Variants in DPY19L1 observed in about 807,000 individuals in gnomAD.
DPY19L1 encodes the protein protein C-mannosyl-transferase DPY19L1.
A neutral mutation model predicts 96.9 loss-of-function variants in DPY19L1; 35 were observed. That is an observed-to-expected ratio of 0.36 (90% CI 0.28 to 0.48). The LOEUF is 0.48. Ranked by LOEUF, DPY19L1 falls within the 20% of genes least tolerant of loss-of-function variation. The pLI is 0.99. For missense variants in DPY19L1, 521 were observed against 777.9 expected (o/e 0.67, Z 3.93); for synonymous variants, 205 against 252.6 (o/e 0.81, Z 1.79).
At chr7:35,019,559 AGAG>A (rs917220075) in intron 1 of DPY19L1, among the ~76,000 whole-genome samples, 25 of 152,146 alleles carry the variant, frequency 1.6e-4, no homozygotes, top group Middle Eastern at 3.4e-3. Flanking sequence ...AGAAGGAAGA[AGAG>A]GAGGAGAAGG....
intron 15 of DPY19L1, among the ~76,000 whole-genome samples, chr7:34,946,146 A>C (rs1784140275): frequency 6.6e-6 from 1 of 152,208 alleles, no homozygotes. Context: ...TCACAGCTGG[A>C]AGCATTCAAA....
intron 6 of DPY19L1, among the ~76,000 whole-genome samples, chr7:35,002,239 G>A (rs767523623): frequency 1.3e-5 from 2 of 150,742 alleles, no homozygotes; most frequent in African/African-American, 4.9e-5. Context: ...TACCCTTAGA[G>A]AGAATATTTA....
intron 1 of DPY19L1, among the ~76,000 whole-genome samples, chr7:35,031,323 A>C (rs10254796): frequency 0.27 from 41,379 of 152,062 alleles, 5,759 homozygotes; most frequent in Non-Finnish European, 0.31. Flanking sequence ...TAGGTATTCT[A>C]AGTAATCTAG....
upstream of DPY19L1, chr7:35,037,722 C>G: frequency 1.3e-6 from 1 of 782,082 alleles, no homozygotes; most frequent in Non-Finnish European, 1.6e-6. Context: ...CCCGCCGCCC[C>G]TCTGCGCCGG....
chr7:35,023,751 C>G (rs1481120763), intron 1 of DPY19L1, among the ~76,000 whole-genome samples: 1 of 151,852 alleles, frequency 6.6e-6, no homozygotes, highest in Non-Finnish European at 1.5e-5. Flanking sequence ...ACAGAGCTGC[C>G]TCCTTCTCTA....
Position 35,027,668 on chromosome 7 carries a change from T to TAAAAAAA in DPY19L1, c.299-9079_299-9073dup, listed in dbSNP as rs57262214. Among the ~76,000 whole-genome samples, 68 of 71,378 alleles carry TAAAAAAA rather than the reference T, an allele frequency of 9.5e-4. 3 individuals carry two copies. The highest frequency in any genetic ancestry group is 7.2e-3 in the Middle Eastern group (1 of 138). 46.8% of individuals were successfully genotyped at this position (71,378 alleles called of 152,430 possible). A position where few individuals can be genotyped will look rare whatever the true frequency, so the allele number is the denominator to read the frequency against. ...CAACATGGCAAAACCCCGTCTCTAC[T>TAAAAAAA]AAAAAAAAAAAAAAAAAAAATTAGT... On this transcript the variant is annotated intron_variant, in intron 1 of 21. Transcript: ENST00000638088.
intron 5 of DPY19L1, among the ~76,000 whole-genome samples, chr7:35,011,044 C>G (rs1662654069): frequency 6.6e-6 from 1 of 152,194 alleles, no homozygotes; most frequent in Admixed American, 6.5e-5. Context: ...CAGCTGAGCT[C>G]AGCCTCACAG....
chr7:34,987,145 ATGT>A (rs1262859297), intron 7 of DPY19L1, among the ~76,000 whole-genome samples: 1 of 152,068 alleles, frequency 6.6e-6, no homozygotes, highest in Non-Finnish European at 1.5e-5. Flanking sequence ...CCATCAACAC[ATGT>A]TGTGTGCATC....
At chr7:35,003,466 CT>C (rs1785479394) in intron 6 of DPY19L1, among the ~76,000 whole-genome samples, 1 of 152,232 alleles carries the variant, frequency 6.6e-6, no homozygotes, top group Non-Finnish European at 1.5e-5. Context: ...GCTCCACATA[CT>C]TTACTGCTGG....
chr7:35,032,358 T>TC (rs1246730405), intron 1 of DPY19L1, among the ~76,000 whole-genome samples: 3 of 151,878 alleles, frequency 2.0e-5, no homozygotes, highest in Non-Finnish European at 4.4e-5. Context: ...TGCCTCAGAT[T>TC]CCCCCCACGT....
intron 1 of DPY19L1, 99 bp from the exon 2 acceptor site, chr7:35,018,695 T>A (rs1303762665): frequency 9.2e-7 from 1 of 1,088,222 alleles, no homozygotes; most frequent in South Asian, 1.4e-5. Flanking sequence ...TATTGAAATG[T>A]GTAAAAAAGA....
chr7:35,034,549 A>G (rs1786340224), intron 1 of DPY19L1, among the ~76,000 whole-genome samples: 1 of 152,228 alleles, frequency 6.6e-6, no homozygotes. Context: ...ATGCCCCACA[A>G]TAAGAAAAAC....
chr7:35,010,127 G>T (rs1053583427), intron 6 of DPY19L1, among the ~76,000 whole-genome samples: 5 of 151,196 alleles, frequency 3.3e-5, no homozygotes, highest in African/African-American at 9.7e-5. Context: ...CTACTCAGGA[G>T]GCTGAAGTGG....
At chr7:34,963,087 C>G (rs189890098) in intron 10 of DPY19L1, among the ~76,000 whole-genome samples, 3 of 149,412 alleles carry the variant, frequency 2.0e-5, no homozygotes, top group African/African-American at 7.4e-5. Flanking sequence ...CCCAGCTGCT[C>G]GGAAGGCTGA....
intron 14 of DPY19L1, among the ~76,000 whole-genome samples, chr7:34,948,247 C>CA (rs1371109892): frequency 6.6e-6 from 1 of 152,068 alleles, no homozygotes; most frequent in Non-Finnish European, 1.5e-5. Flanking sequence ...TCTCTCCACC[C>CA]AAAAAACCAC....
At chr7:35,000,296 A>G (rs1477048328) in intron 6 of DPY19L1, 2 of 151,896 alleles carry the variant, frequency 1.3e-5, no homozygotes, top group East Asian at 3.9e-4. Context: ...AAACCATTAA[A>G]GAAAAACCTT....
chr7:34,992,781 C>T (rs1163058261), intron 6 of DPY19L1, among the ~76,000 whole-genome samples: 2 of 151,790 alleles, frequency 1.3e-5, no homozygotes, highest in Admixed American at 6.6e-5. Context: ...ATAGAAAACC[C>T]ATCATTATTA....
chr7:34,959,685 A>G (rs1784450511), intron 10 of DPY19L1, among the ~76,000 whole-genome samples: 1 of 138,940 alleles, frequency 7.2e-6, no homozygotes, highest in Admixed American at 7.5e-5. Flanking sequence ...GGACACAGGG[A>G]GGGGAACATC....
At chr7:34,997,660 A>G (rs905290075) in intron 6 of DPY19L1, among the ~76,000 whole-genome samples, 2 of 151,118 alleles carry the variant, frequency 1.3e-5, no homozygotes, top group Non-Finnish European at 3.0e-5. Context: ...GAGATGGTAG[A>G]TTCACAGCCT....
Sources: allele counts gnomAD v4.1 joint callset (sites outside exome capture counted in the v4.1 genomes callset), GRCh38; gene constraint gnomAD v4.1.1; transcripts MANE v1.5; gene names NCBI Gene and HGNC (gene_info 2026-07-23, HGNC 2026-07-21).